The following ARL10 variants were observed in gnomAD, a reference collection of about 807,000 sequenced individuals.
ARL10 encodes the protein ADP-ribosylation factor-like protein 10.
Under a neutral mutation model 26.1 loss-of-function variants are expected in ARL10, and 23 were observed. The ratio of observed to expected loss-of-function variants is 0.88; its 90% CI spans 0.63 to 1.25. ARL10 has a LOEUF of 1.25. Among genes scored for constraint, ARL10 ranks in the 50% most tolerant of loss-of-function variants. The pLI, the probability that ARL10 is intolerant of heterozygous loss-of-function variation, is 0.00. For missense variants in ARL10, 300 were observed against 323.6 expected, an observed-to-expected ratio of 0.93 and a Z score of 0.56; for synonymous variants, 138 against 149.1, an observed-to-expected ratio of 0.93 and a Z score of 0.54.
chr5:176,380,120 C>T lies in ARL10; in HGVS notation c.*8225C>T, dbSNP rs1755515436. 6.6e-6 allele frequency: 1 copy of T among 152,112 alleles called. No individual in the cohort carries two copies. The highest frequency in any genetic ancestry group is 6.5e-5 in the Admixed American group (1 of 15,282). 9.4% of individuals were successfully genotyped at this position (152,112 alleles called of 1,614,324 possible). On this transcript the variant is annotated 3_prime_UTR_variant, in exon 4 of 4. Transcript: ENST00000310389. ...CCAACTTCCCCTTTTTCATTAGCCT[C>T]AAGGAGAAAAGGTAACTGAGCAAAA... is the stretch of plus-strand genomic sequence containing the variant.
At chr5:176,396,896 A>T (rs1457350943) in intron 1 of ARL10, among the ~76,000 whole-genome samples, 1 of 151,862 alleles carries the variant, frequency 6.6e-6, no homozygotes, top group Non-Finnish European at 1.5e-5. Flanking sequence ...CCTGTTGCCT[A>T]ATACATCACA....
intron 1 of ARL10, 94 bp downstream of exon 1, chr5:176,365,840 T>C: frequency 8.3e-7 from 1 of 1,200,138 alleles, no homozygotes; most frequent in Non-Finnish European, 1.0e-6. Flanking sequence ...ACGGCCCTGC[T>C]GGTGCCGGGA....
chr5:176,365,652 C>A lies in ARL10; in HGVS notation c.89C>A (p.Thr30Asn). Reference protein sequence around the residue: ...LGSVLFILWKTYFGRGRERRW... With the variant: ...LGSVLFILWKNYFGRGRERRW... ...TCGGTGCTCTTCATCCTCTGGAAGA[C>A]CTACTTCGGCCGCGGCCGAGAGCGG... The change falls in exon 1 of 4, where the codon ACC becomes AAC. Residue 30 changes from threonine (T) to asparagine (N), a missense_variant. Physicochemically the swap from Thr to Asn is moderately conservative, Grantham distance 65. Coordinates refer to ENST00000310389, the MANE Select transcript of ARL10 (RefSeq NM_173664.6). 1 of 1,253,798 alleles carries A rather than the reference C, an allele frequency of 8.0e-7. No individual in the cohort carries two copies. Among genetic ancestry groups the A allele is most frequent in the Non-Finnish European group, 1.0e-6 (1 of 998,442 alleles). 77.7% of individuals were successfully genotyped at this position (1,253,798 alleles called of 1,614,324 possible). A position where few individuals can be genotyped will look rare whatever the true frequency, so the allele number is the denominator to read the frequency against.
At chr5:176,392,605 G>T (rs1484856547), downstream of ARL10, 5 of 670,798 alleles carry the variant, frequency 7.5e-6, no homozygotes, top group African/African-American at 9.0e-5. This position sits in a 1 kb window ranked among gnomAD's most constrained non-coding sequence, Gnocchi z 5.2. Context: ...AGGGCCAGGA[G>T]GGAGCGAGGC....
At chr5:176,396,447 TCCC>T (rs781485327) in intron 1 of ARL10, 19 of 1,586,804 alleles carry the variant, frequency 1.2e-5, no homozygotes, top group Admixed American at 1.7e-5. Context: ...CCTCTCTAGC[TCCC>T]CCAACAGAGA....
the ARL10 span, among the ~76,000 whole-genome samples, chr5:176,411,279 GCTGA>G: frequency 0.11 from 16,707 of 152,208 alleles, 1,140 homozygotes; most frequent in South Asian, 0.18. Flanking sequence ...AATTGCCAGG[GCTGA>G]CAGTCTGTAA....
chr5:176,414,764 G>A, the ARL10 span, among the ~76,000 whole-genome samples: 8 of 152,118 alleles, frequency 5.3e-5, no homozygotes, highest in African/African-American at 1.4e-4. Context: ...CAGATTCTCT[G>A]GGCCACCGGT....
chr5:176,402,898 C>G (rs1054935230), downstream of ARL10, among the ~76,000 whole-genome samples: 2 of 152,100 alleles, frequency 1.3e-5, no homozygotes, highest in Non-Finnish European at 2.9e-5. Flanking sequence ...AGAGCCAGCA[C>G]GTGTAAGAAT....
intron 3 of ARL10, among the ~76,000 whole-genome samples, chr5:176,370,026 A>G (rs1049316599): frequency 6.6e-6 from 1 of 151,868 alleles, no homozygotes; most frequent in African/African-American, 2.4e-5. Flanking sequence ...CCACTCTGCT[A>G]TGCCCTTGCA....
chr5:176,389,609 C>A, downstream of ARL10: 1 of 1,171,676 alleles, frequency 8.5e-7, no homozygotes, highest in South Asian at 1.6e-5. Context: ...GCCCATGTGT[C>A]GCTGGGGAGG....
chr5:176,411,900 G>A, the ARL10 span, among the ~76,000 whole-genome samples: 1 of 152,068 alleles, frequency 6.6e-6, no homozygotes, highest in Non-Finnish European at 1.5e-5. Flanking sequence ...TTTTGGGCCG[G>A]GCGTGGTGGC....
downstream of ARL10, among the ~76,000 whole-genome samples, chr5:176,382,973 A>G (rs191027653): frequency 9.2e-5 from 14 of 152,300 alleles, no homozygotes; most frequent in East Asian, 2.3e-3. Flanking sequence ...TCCGAGGGCC[A>G]GTCATTGCTG....
chr5:176,408,028 T>G, the ARL10 span, among the ~76,000 whole-genome samples: 1 of 151,746 alleles, frequency 6.6e-6, no homozygotes, highest in Non-Finnish European at 1.5e-5. Context: ...CCAGTCTGAG[T>G]GGGAATGAAG....
Position 176,375,192 on chromosome 5 carries a change from CCATCCATCCATCCACT to C in ARL10, c.*3304_*3319del. ...CCCACCCACCCACCCATCCACCCAT[CCATCCATCCATCCACT>C]CATCCACCCATCCACCCATCCATCC... On this transcript the variant is annotated 3_prime_UTR_variant, in exon 4 of 4. Transcript: ENST00000310389. 3 of 110,594 alleles carry C rather than the reference CCATCCATCCATCCACT, an allele frequency of 2.7e-5. No individual in the cohort carries two copies. The highest frequency in any genetic ancestry group is 3.8e-5 in the Non-Finnish European group (2 of 52,112). The allele number at this position is 110,594 out of a possible 1,614,324, so 6.9% of individuals were successfully genotyped here.
chr5:176,410,619 C>T, the ARL10 span, among the ~76,000 whole-genome samples: 9 of 152,310 alleles, frequency 5.9e-5, no homozygotes, highest in East Asian at 1.4e-3. Context: ...GTAATAGCTC[C>T]TTACCTACCT....
rs1768382891 is a variant in ARL10 at position 176,368,017 on chromosome 5, A to C, written c.386-790A>C. On this transcript the variant is annotated intron_variant, in intron 2 of 3. Coordinates refer to ENST00000310389, the MANE Select transcript of ARL10 (RefSeq NM_173664.6). This position sits in a 1 kb window ranked among gnomAD's most constrained non-coding sequence, Gnocchi z 4.1. ...GTTGAGTGCCTGCTATGTGCCAGGC[A>C]TTGTGCTGAGGGCTTTGTGGGGATT... is the stretch of plus-strand genomic sequence containing the variant. 1 of 523,454 alleles carries C rather than the reference A, an allele frequency of 1.9e-6. No individual in the cohort carries two copies. Among genetic ancestry groups the C allele is most frequent in the Non-Finnish European group, 3.9e-6 (1 of 259,212 alleles). 32.4% of individuals were successfully genotyped at this position (523,454 alleles called of 1,614,324 possible).
rs1429359500 is a variant in ARL10 at position 176,378,722 on chromosome 5, A to AT, written c.*6828dup. The AT allele has an allele frequency of 6.6e-6, 1 of 152,140 alleles. No homozygotes were observed. Among genetic ancestry groups the AT allele is most frequent in the Non-Finnish European group, 1.5e-5 (1 of 68,010 alleles). 9.4% of individuals were successfully genotyped at this position (152,140 alleles called of 1,614,324 possible). On this transcript the variant is annotated 3_prime_UTR_variant, in exon 4 of 4. Transcript: ENST00000310389. ...ATATTTTGCCAAAGAATAATTTCAA[A>AT]TGGGGGCCGGGCGCTGTGGCTCACG... is the stretch of plus-strand genomic sequence containing the variant.
At position 176,371,774 on chromosome 5, in the gene ARL10, A is replaced by G; in HGVS notation, c.614A>G (p.Gln205Arg). 3.7e-6 allele frequency: 6 copies of G among 1,614,212 alleles called. No individual in the cohort carries two copies. The highest frequency in any genetic ancestry group is 4.5e-5 in the East Asian group (2 of 44,876). ...GAGCTGCAGCGGGAGCTGGGTCTAC[A>G]GGCTATCGATAACCAGCGGGAGGTT... is the stretch of plus-strand genomic sequence containing the variant. The part of the protein sequence containing the change: ...MGELQRELGL[Q>R]AIDNQREVFL... Residue 205 changes from glutamine to arginine, a missense_variant, in exon 4 of 4, where the codon CAG (glutamine) becomes CGG (arginine). Transcript: ENST00000310389.
rs927303422 is a variant in ARL10 at position 176,381,213 on chromosome 5, A to T, written c.*9318A>T. 2 of 152,256 alleles carry T rather than the reference A, an allele frequency of 1.3e-5. No homozygotes were observed. The highest frequency in any genetic ancestry group is 2.9e-5 in the Non-Finnish European group (2 of 68,054). 9.4% of individuals were successfully genotyped at this position (152,256 alleles called of 1,614,324 possible). ...TGCAGTCCAATCCAGGACCCAGTCC[A>T]GTAAAAATTGCTCAGATAAACTTGG... On this transcript the variant is annotated 3_prime_UTR_variant, in exon 4 of 4. Coordinates refer to ENST00000310389, the MANE Select transcript of ARL10 (RefSeq NM_173664.6).
Sources: allele counts gnomAD v4.1 joint callset (sites outside exome capture counted in the v4.1 genomes callset), GRCh38; gene constraint gnomAD v4.1.1; non-coding constraint Gnocchi (gnomAD v3.1); transcripts MANE v1.5; gene names NCBI Gene and HGNC (gene_info 2026-07-23, HGNC 2026-07-21).